KIF26A: variants seen among roughly 807,000 people sequenced by gnomAD.
KIF26A encodes the protein kinesin-like protein KIF26A.
In KIF26A, 74 loss-of-function variants were observed where a neutral mutation model predicts 126.0. The ratio of observed to expected loss-of-function variants is 0.59; its 90% CI spans 0.49 to 0.71. The LOEUF (loss-of-function observed/expected upper bound fraction) is 0.71, where lower values mean the gene tolerates loss of function less well. Among genes scored for constraint, KIF26A ranks in the 30% least tolerant of loss-of-function variants. The pLI, the probability that KIF26A is intolerant of heterozygous loss-of-function variation, is 0.00. For synonymous variants in KIF26A, 1,445 were observed against 1,232.7 expected (o/e 1.17, Z -3.61); for missense variants, 2,984 against 2,763.3 (o/e 1.08, Z -1.79).
chr14:104,145,261 G>C (rs572597336), intron 2 of KIF26A, among the ~76,000 whole-genome samples: 1 of 152,212 alleles, frequency 6.6e-6, no homozygotes, highest in Non-Finnish European at 1.5e-5. Context: ...TTTCGTTCAC[G>C]GGCGTGCCCT....
At chr14:104,143,460 A>ACTCCTGCCAGCTTTTCGTTC (rs984851581) in intron 2 of KIF26A, among the ~76,000 whole-genome samples, 59 of 151,696 alleles carry the variant, frequency 3.9e-4, no homozygotes, top group African/African-American at 1.3e-3. Flanking sequence ...ACTGGAGGTG[A>ACTCCTGCCAGCTTTTCGTTC]CTCCTGCCAG....
At chr14:104,157,252 A>G (rs911133215) in intron 3 of KIF26A, among the ~76,000 whole-genome samples, 37 of 152,190 alleles carry the variant, frequency 2.4e-4, no homozygotes, top group African/African-American at 8.7e-4. Flanking sequence ...GTAGTATTTC[A>G]GATGAGGGAG....
chr14:104,138,711 C>T lies in KIF26A; in HGVS notation c.-12C>T, dbSNP rs2037607078. Reference sequence around the variant, plus strand: ...CCGGGAGCGCCTGCCGGGCTCTTCCCGCGCCCCGGCCATGGTCGGCCGCGG... The same window carrying T: ...CCGGGAGCGCCTGCCGGGCTCTTCCTGCGCCCCGGCCATGGTCGGCCGCGG... On this transcript the variant is annotated 5_prime_UTR_variant, in exon 1 of 15. Coordinates refer to ENST00000423312, the MANE Select transcript of KIF26A (RefSeq NM_015656.2). 1.6e-6 allele frequency: 2 copies of T among 1,266,748 alleles called. No individual in the cohort carries two copies. The highest frequency in any genetic ancestry group is 4.1e-5 in the Admixed American group (1 of 24,568). 78.5% of individuals were successfully genotyped at this position (1,266,748 alleles called of 1,614,324 possible).
At chr14:104,166,181 G>GTAGCCCA (rs1566861336) in intron 4 of KIF26A, among the ~76,000 whole-genome samples, 1 of 150,712 alleles carries the variant, frequency 6.6e-6, no homozygotes, top group Non-Finnish European at 1.5e-5. Context: ...GAGGGTGGCA[G>GTAGCCCA]GGGCCCAGGA....
intron 4 of KIF26A, among the ~76,000 whole-genome samples, chr14:104,165,635 CTG>C (rs777270303): frequency 0.018 from 2,397 of 131,858 alleles, 25 homozygotes; most frequent in Non-Finnish European, 0.023. Context: ...ATGTGTGTGT[CTG>C]TGTTTCTGTA....
chr14:104,153,644 G>GTGCCTCCTGGCCC (rs2037751310), intron 3 of KIF26A, among the ~76,000 whole-genome samples: 2 of 128,288 alleles, frequency 1.6e-5, no homozygotes, highest in Admixed American at 7.9e-5. Context: ...CCAGAGCTGG[G>GTGCCTCCTGGCCC]CATCCTGGGA....
intron 10 of KIF26A, 83 bp downstream of exon 10, chr14:104,173,951 C>T: frequency 6.8e-7 from 1 of 1,472,500 alleles, no homozygotes; most frequent in Non-Finnish European, 9.0e-7. Flanking sequence ...CCCGGTGCTG[C>T]TGTGGCCCCC....
intron 9 of KIF26A, 85 bp from the exon 10 acceptor site, chr14:104,173,621 C>T: frequency 6.5e-7 from 1 of 1,543,222 alleles, no homozygotes; most frequent in African/African-American, 1.4e-5. Context: ...CTGGGGTTGT[C>T]CCCAGCTTGG....
rs562461621 is a variant in KIF26A, at chr14:104,176,958, C to T, written c.4170C>T (p.Val1390=). ...CGCATGCTGTGAACCCGGCGCGGGT[C>T]GGGGCTGCTGCTGTCCTTCGAGGGG... ...APPHAVNPAR[V]GAAAVLRGEE... Residue 1390 remains valine, a synonymous_variant, in exon 12 of 15, where the codon GTC becomes GTT. Transcript: ENST00000423312. 3.6e-5 allele frequency: 56 copies of T among 1,534,982 alleles called. No individual in the cohort carries two copies. Among genetic ancestry groups the T allele is most frequent in the African/African-American group, 1.2e-4 (9 of 73,118 alleles).
chr14:104,162,073 C>T (rs1411478973), intron 4 of KIF26A, among the ~76,000 whole-genome samples: 2 of 152,222 alleles, frequency 1.3e-5, no homozygotes, highest in Admixed American at 6.5e-5. Context: ...GTCTGATGGT[C>T]GTTTCCATGG....
chr14:104,168,458 T>C (rs1337262129), intron 5 of KIF26A, among the ~76,000 whole-genome samples: 1 of 152,128 alleles, frequency 6.6e-6, no homozygotes, highest in African/African-American at 2.4e-5. Flanking sequence ...CCGTGGGGCA[T>C]AGGGGCTCTG....
intron 11 of KIF26A, 107 bp downstream of exon 11, chr14:104,174,417 G>A (rs1450129829): frequency 1.7e-5 from 20 of 1,176,850 alleles, no homozygotes; most frequent in Non-Finnish European, 2.1e-5. Flanking sequence ...GTGGCCTGGA[G>A]CCTGGGTAGA....
intron 10 of KIF26A, 27 bp downstream of exon 10, chr14:104,173,895 G>C (rs778992558): frequency 1.4e-5 from 21 of 1,546,342 alleles, no homozygotes; most frequent in Non-Finnish European, 1.8e-5. Context: ...GGCAGGTGCC[G>C]ACCAGGGTGG....
At chr14:104,150,202 C>T (rs1394250334) in intron 2 of KIF26A, among the ~76,000 whole-genome samples, 4 of 113,900 alleles carry the variant, frequency 3.5e-5, no homozygotes, top group Non-Finnish European at 8.1e-5. Flanking sequence ...CCCCCTCCCC[C>T]ACCCCCTCCT....
At position 104,176,183 on chromosome 14, in the gene KIF26A, G is replaced by T; in HGVS notation, c.3395G>T (p.Arg1132Leu). Residue 1132 changes from arginine to leucine, a missense_variant, in exon 12 of 15, where the codon CGC (arginine) becomes CTC (leucine). Physicochemically the swap from Arg to Leu is moderately radical, Grantham distance 102. Transcript: ENST00000423312. The part of the protein sequence containing the change: ...ADSRDPTPQP[R>L]FSPDSLAGLD... ...AGCCGTGACCCCACGCCGCAGCCCC[G>T]CTTCAGCCCCGACTCGCTGGCAGGG... 6.3e-7 allele frequency: 1 copy of T among 1,596,978 alleles called. No homozygotes were observed. The highest frequency in any genetic ancestry group is 8.5e-7 in the Non-Finnish European group (1 of 1,172,894).
intron 4 of KIF26A, among the ~76,000 whole-genome samples, chr14:104,158,144 G>T (rs1377831722): frequency 2.0e-5 from 3 of 152,224 alleles, no homozygotes; most frequent in African/African-American, 7.2e-5. Context: ...GATGTTGGGG[G>T]GCATCTCATC....
chr14:104,138,787 A>G (rs2141084862), intron 1 of KIF26A, 23 bp downstream of exon 1: 1 of 1,257,898 alleles, frequency 7.9e-7, no homozygotes, highest in Non-Finnish European at 1.0e-6. Flanking sequence ...CGGCCTGGAG[A>G]GGGAGGCGGG....
At chr14:104,162,418 G>A (rs903186765) in intron 4 of KIF26A, among the ~76,000 whole-genome samples, 1 of 152,220 alleles carries the variant, frequency 6.6e-6, no homozygotes, top group Admixed American at 6.5e-5. Context: ...TGCTGCGGAC[G>A]CTGCTCCTGG....
chr14:104,152,534 T>C lies in KIF26A; in HGVS notation c.735+73T>C. On this transcript the variant is annotated intron_variant, in intron 3 of 14. Coordinates refer to ENST00000423312, the MANE Select transcript of KIF26A (RefSeq NM_015656.2). This position sits in a 1 kb window ranked among gnomAD's most constrained non-coding sequence, Gnocchi z 5.9. ...ACTGGGCTTCCTTCGGGGGTCTCTG[T>C]CCACGTTGAGTGCCCTGCAGTAAGG... 2 of 1,405,764 alleles carry C rather than the reference T, an allele frequency of 1.4e-6. No homozygotes were observed. The highest frequency in any genetic ancestry group is 1.9e-6 in the Non-Finnish European group (2 of 1,057,768). 87.1% of individuals were successfully genotyped at this position (1,405,764 alleles called of 1,614,324 possible).
Sources: allele counts gnomAD v4.1 joint callset (sites outside exome capture counted in the v4.1 genomes callset), GRCh38; gene constraint gnomAD v4.1.1; non-coding constraint Gnocchi (gnomAD v3.1); transcripts MANE v1.5; gene names NCBI Gene and HGNC (gene_info 2026-07-23, HGNC 2026-07-21).